Variants in EBF1 observed in about 807,000 individuals in gnomAD.
The protein encoded by EBF1 is transcription factor COE1.
A neutral mutation model predicts 68.4 loss-of-function variants in EBF1; 10 were observed. The ratio of observed to expected loss-of-function variants is 0.15; its 90% CI spans 0.09 to 0.25. The LOEUF (loss-of-function observed/expected upper bound fraction) is 0.25. EBF1 is among the 10% of genes least tolerant of loss of function. EBF1 has a pLI of 1.00. For missense variants in EBF1, 509 were observed against 794.4 expected, an observed-to-expected ratio of 0.64 and a Z score of 4.32; for synonymous variants, 298 against 299.8, an observed-to-expected ratio of 0.99 and a Z score of 0.06.
At chr5:159,046,658 C>T (rs1772463775) in intron 6 of EBF1, among the ~76,000 whole-genome samples, 1 of 152,130 alleles carries the variant, frequency 6.6e-6, no homozygotes, top group African/African-American at 2.4e-5. Flanking sequence ...ATTAATGATT[C>T]AGAGACTAAT....
intron 6 of EBF1, among the ~76,000 whole-genome samples, chr5:158,994,329 AC>A (rs1205617087): frequency 3.3e-5 from 5 of 152,228 alleles, no homozygotes; most frequent in African/African-American, 1.2e-4. Flanking sequence ...GGTACTGTGT[AC>A]AGTGGCTTTG....
At chr5:158,761,711 T>C (rs183342925) in intron 10 of EBF1, among the ~76,000 whole-genome samples, 2 of 152,322 alleles carry the variant, frequency 1.3e-5, no homozygotes, top group East Asian at 3.9e-4. Flanking sequence ...ATTAAAGAAA[T>C]ACTTAAATCC....
intron 6 of EBF1, among the ~76,000 whole-genome samples, chr5:158,888,844 C>G (rs1800568447): frequency 6.6e-6 from 1 of 152,062 alleles, no homozygotes; most frequent in South Asian, 2.1e-4. Context: ...TCTCTTCCTC[C>G]TTCTTCCTCT....
At chr5:158,977,786 A>T (rs1757078680) in intron 6 of EBF1, among the ~76,000 whole-genome samples, 1 of 152,216 alleles carries the variant, frequency 6.6e-6, no homozygotes, top group Non-Finnish European at 1.5e-5. Flanking sequence ...CTGCCTGGGA[A>T]TGCATCCACT....
At chr5:159,038,002 G>A (rs1008923021) in intron 6 of EBF1, among the ~76,000 whole-genome samples, 11 of 152,158 alleles carry the variant, frequency 7.2e-5, no homozygotes, top group East Asian at 1.9e-4. Flanking sequence ...TGCCAGAGTG[G>A]CAAGAGAGGC....
chr5:159,073,375 T>C, intron 6 of EBF1, 21 bp downstream of exon 6: 1 of 1,612,724 alleles, frequency 6.2e-7, no homozygotes. Context: ...AAGAATCCAG[T>C]GAAAGAAGAG....
intron 6 of EBF1, among the ~76,000 whole-genome samples, chr5:158,889,794 T>G (rs1465127639): frequency 1.3e-5 from 2 of 152,220 alleles, no homozygotes; most frequent in East Asian, 3.8e-4. Context: ...TTGGTCCTCC[T>G]TATCTATGGG....
At chr5:158,877,841 T>G (rs547006516) in intron 6 of EBF1, among the ~76,000 whole-genome samples, 25 of 152,050 alleles carry the variant, frequency 1.6e-4, no homozygotes, top group Non-Finnish European at 3.2e-4. Context: ...GAAGCCTCAT[T>G]AGAATAATTA....
chr5:158,926,742 GAAAAGAA>G (rs1809789969), intron 6 of EBF1, among the ~76,000 whole-genome samples: 1 of 148,308 alleles, frequency 6.7e-6, no homozygotes, highest in East Asian at 2.0e-4. Context: ...AAAAAAAAAA[GAAAAGAA>G]AAAAGAAAAA....
At chr5:159,093,618 T>C (rs149104078) in intron 4 of EBF1, among the ~76,000 whole-genome samples, 130 of 152,282 alleles carry the variant, frequency 8.5e-4, no homozygotes, top group African/African-American at 2.7e-3. Flanking sequence ...GTTAGTAAAA[T>C]GATATTTGAT....
chr5:158,888,038 T>C (rs1800393650), intron 6 of EBF1, among the ~76,000 whole-genome samples: 1 of 152,200 alleles, frequency 6.6e-6, no homozygotes, highest in African/African-American at 2.4e-5. Flanking sequence ...CTTAAACCTC[T>C]AAATCAGTCT....
At chr5:158,789,180 C>G (rs1031786102) in intron 9 of EBF1, among the ~76,000 whole-genome samples, 4 of 151,894 alleles carry the variant, frequency 2.6e-5, no homozygotes, top group African/African-American at 9.7e-5. Context: ...TCAATAAGCA[C>G]AGGTTAAATA....
Position 158,815,720 on chromosome 5 carries a change from C to CT in EBF1, c.778+7455dup, listed in dbSNP as rs375286482. ...CAGTCTGTCTGATGCTGAGATCCTG[C>CT]TGGCTACCATATCCCCAGTGTTAGG... is the stretch of plus-strand genomic sequence containing the variant. On this transcript the variant is annotated intron_variant, in intron 8 of 15. Transcript: ENST00000313708. Among the ~76,000 whole-genome samples, 176 of 152,328 alleles carry CT rather than the reference C, an allele frequency of 1.2e-3. 1 individual carries two copies. The highest frequency in any genetic ancestry group is 3.8e-3 in the African/African-American group (157 of 41,568).
chr5:158,887,639 T>C (rs969561053), intron 6 of EBF1, among the ~76,000 whole-genome samples: 2 of 152,242 alleles, frequency 1.3e-5, no homozygotes, highest in African/African-American at 4.8e-5. Flanking sequence ...GGTACCATTG[T>C]GAATGACAAC....
At position 158,698,934 on chromosome 5, in the gene EBF1, C is replaced by T. The variant is rs996074782; in HGVS notation, c.*177G>A. 2.0e-6 allele frequency: 1 copy of T among 492,548 alleles called. No homozygotes were observed. The highest frequency in any genetic ancestry group is 3.5e-6 in the Non-Finnish European group (1 of 283,414). The allele number at this position is 492,548 out of a possible 1,614,324, so 30.5% of individuals were successfully genotyped here. A position where few individuals can be genotyped will look rare whatever the true frequency, so the allele number is the denominator to read the frequency against. ...AACCAACACCCTGCACTTGCAGATCCCTCTTCCAATTTCAGTATTTGCAAG... is the reference window on the plus strand; with the variant it reads ...AACCAACACCCTGCACTTGCAGATCTCTCTTCCAATTTCAGTATTTGCAAG... On this transcript the variant is annotated 3_prime_UTR_variant, in exon 16 of 16. Coordinates refer to ENST00000313708, the MANE Select transcript of EBF1 (RefSeq NM_024007.5).
intron 10 of EBF1, among the ~76,000 whole-genome samples, chr5:158,767,435 T>G (rs1772961147): frequency 6.6e-6 from 1 of 152,134 alleles, no homozygotes; most frequent in African/African-American, 2.4e-5. Flanking sequence ...ATTCCATAAA[T>G]TAACAAGGTA....
At position 159,084,679 on chromosome 5, in the gene EBF1, C is replaced by T; in HGVS notation, c.472G>A (p.Glu158Lys). Residue 158 changes from glutamate (E) to lysine (K), a missense_variant, in exon 5 of 16, where the codon GAG (glutamate) becomes AAG (lysine). Around this residue, in one of 3 missense-constraint regions of EBF1, gnomAD observed 230 missense variants for 467.7 expected, o/e 0.49. Coordinates refer to ENST00000313708, the MANE Select transcript of EBF1 (RefSeq NM_024007.5). The stretch of plus-strand genomic sequence containing the variant: ...GATATTTCTTACCTGCACATGATCT[C>T]ATGTGTGAGCAAGACTCGGCACATT... Reference protein sequence around the residue: ...PEMCRVLLTHEIMCSRCCDKK... With the variant: ...PEMCRVLLTHKIMCSRCCDKK... 1 of 1,595,076 alleles carries T rather than the reference C, an allele frequency of 6.3e-7. No individual in the cohort carries two copies. Among genetic ancestry groups the T allele is most frequent in the Non-Finnish European group, 8.6e-7 (1 of 1,169,058 alleles).
At chr5:158,848,486 A>G (rs1331448357) in intron 6 of EBF1, among the ~76,000 whole-genome samples, 1 of 152,222 alleles carries the variant, frequency 6.6e-6, no homozygotes, top group Non-Finnish European at 1.5e-5. Context: ...CCTCAAATGC[A>G]TTTTAACCAT....
chr5:158,996,131 T>C (rs550211984), intron 6 of EBF1, among the ~76,000 whole-genome samples: 2 of 152,258 alleles, frequency 1.3e-5, no homozygotes, highest in East Asian at 1.9e-4. Context: ...ACAGGACTTA[T>C]CTGGAATTCA....
Sources: allele counts gnomAD v4.1 joint callset (sites outside exome capture counted in the v4.1 genomes callset), GRCh38; gene constraint gnomAD v4.1.1; regional missense constraint gnomAD v4.1.1; transcripts MANE v1.5; gene names NCBI Gene and HGNC (gene_info 2026-07-23, HGNC 2026-07-21).